MGAT4A: variants seen among roughly 807,000 people sequenced by gnomAD.
MGAT4A encodes alpha-1,3-mannosyl-glycoprotein 4-beta-N-acetylglucosaminyltransferase A.
MGAT4A carries 33 observed loss-of-function variants against 74.1 expected under a neutral mutation model. The ratio of observed to expected loss-of-function variants is 0.45; its 90% CI spans 0.34 to 0.60. The LOEUF is 0.60. Ranked by LOEUF, MGAT4A falls within the 20% of genes least tolerant of loss-of-function variation. The probability of loss-of-function intolerance (pLI) is 0.02; values close to 1 mark genes in which losing one functional copy is unlikely to be tolerated. For missense variants in MGAT4A, 479 were observed against 628.3 expected, an observed-to-expected ratio of 0.76 and a Z score of 2.54; for synonymous variants, 198 against 210.4, an observed-to-expected ratio of 0.94 and a Z score of 0.51.
chr2:98,682,290 C>T (rs979432669), intron 2 of MGAT4A, among the ~76,000 whole-genome samples: 13 of 151,872 alleles, frequency 8.6e-5, no homozygotes, highest in Admixed American at 2.6e-4. Flanking sequence ...GACATAGTGG[C>T]GCATGCCTGT....
At chr2:98,721,043 A>G (rs1345602445) in intron 2 of MGAT4A, among the ~76,000 whole-genome samples, 1 of 152,248 alleles carries the variant, frequency 6.6e-6, no homozygotes, top group Non-Finnish European at 1.5e-5. Context: ...AAGCTGCAAG[A>G]GAAAAATGAC....
intron 4 of MGAT4A, among the ~76,000 whole-genome samples, chr2:98,667,625 T>C (rs536547314): frequency 2.6e-5 from 4 of 152,302 alleles, no homozygotes; most frequent in African/African-American, 7.2e-5. Flanking sequence ...ATTTATGGTA[T>C]CTGGCAGAAG....
At position 98,671,943 on chromosome 2, in the gene MGAT4A, CAAA is replaced by C. The variant is rs59955000; in HGVS notation, c.403+3089_403+3091del. Among the ~76,000 whole-genome samples, 139 of 28,636 alleles carry C rather than the reference CAAA, an allele frequency of 4.9e-3. 1 individual carries two copies. Among genetic ancestry groups the C allele is most frequent in the African/African-American group, 0.017 (135 of 7,876 alleles). 18.8% of individuals were successfully genotyped at this position (28,636 alleles called of 152,430 possible). Reference sequence around the variant, plus strand: ...AGGCCACAAAGTAATGTGGAAAAGGCAAAAAAAAAAAAAAAAAAAAAAAAAAAG... The same window carrying C: ...AGGCCACAAAGTAATGTGGAAAAGGCAAAAAAAAAAAAAAAAAAAAAAAAG... On this transcript the variant is annotated intron_variant, in intron 4 of 15. Coordinates refer to ENST00000393487, the MANE Select transcript of MGAT4A (RefSeq NM_012214.3).
intron 14 of MGAT4A, among the ~76,000 whole-genome samples, chr2:98,632,241 G>GT (rs552042682): frequency 3.9e-5 from 6 of 152,172 alleles, no homozygotes; most frequent in Non-Finnish European, 7.4e-5. Context: ...CTCAGGAGCT[G>GT]TAAACATTCA....
intron 6 of MGAT4A, 50 bp from the exon 7 acceptor site, chr2:98,656,515 T>C: frequency 7.9e-7 from 1 of 1,272,656 alleles, no homozygotes; most frequent in Non-Finnish European, 1.1e-6. Context: ...GGATTTTATT[T>C]ATCTTAAAGC....
At chr2:98,655,002 GA>G (rs957592837) in intron 8 of MGAT4A, among the ~76,000 whole-genome samples, 90 of 152,172 alleles carry the variant, frequency 5.9e-4, no homozygotes, top group African/African-American at 1.9e-3. Flanking sequence ...TGGACTGTTA[GA>G]ATTAAATGTC....
chr2:98,648,570 T>A (rs1701529771), intron 8 of MGAT4A, among the ~76,000 whole-genome samples: 1 of 148,282 alleles, frequency 6.7e-6, no homozygotes, highest in Non-Finnish European at 1.5e-5. Flanking sequence ...AAAAAAAAAA[T>A]TAGCCAGGCA....
intron 2 of MGAT4A, among the ~76,000 whole-genome samples, chr2:98,682,809 G>A (rs890883944): frequency 6.6e-6 from 1 of 152,030 alleles, no homozygotes; most frequent in Non-Finnish European, 1.5e-5. Flanking sequence ...AATGGCGGCC[G>A]GGCGTGATGG....
intron 2 of MGAT4A, among the ~76,000 whole-genome samples, chr2:98,685,845 T>C (rs1702121594): frequency 6.6e-6 from 1 of 152,162 alleles, no homozygotes; most frequent in Non-Finnish European, 1.5e-5. Context: ...TCCCAGGTGA[T>C]GCTGATGTGC....
chr2:98,681,807 T>C (rs76013449), intron 2 of MGAT4A, among the ~76,000 whole-genome samples: 1 of 152,012 alleles, frequency 6.6e-6, no homozygotes, highest in African/African-American at 2.4e-5. Flanking sequence ...AGAGTTTTTT[T>C]AAGAACTCTT....
intron 12 of MGAT4A, 28 bp from the exon 13 acceptor site, chr2:98,636,623 C>T: frequency 6.3e-7 from 1 of 1,581,322 alleles, no homozygotes; most frequent in Non-Finnish European, 8.7e-7. Context: ...AAAATAAAAA[C>T]ACAAGTCGGG....
chr2:98,672,527 G>GA (rs1701925159), intron 4 of MGAT4A, among the ~76,000 whole-genome samples: 1 of 152,162 alleles, frequency 6.6e-6, no homozygotes, highest in Non-Finnish European at 1.5e-5. Context: ...GCTCTACCCT[G>GA]AATGGGCCCT....
chr2:98,726,561 TC>T lies in MGAT4A; in HGVS notation c.-230del. 1 of 416,536 alleles carries T rather than the reference TC, an allele frequency of 2.4e-6. No homozygotes were observed. The highest frequency in any genetic ancestry group is 4.1e-5 in the Admixed American group (1 of 24,334). The allele number at this position is 416,536 out of a possible 1,614,324, so 25.8% of individuals were successfully genotyped here. A position where few individuals can be genotyped will look rare whatever the true frequency, so the allele number is the denominator to read the frequency against. On this transcript the variant is annotated 5_prime_UTR_variant, in exon 2 of 16. Transcript: ENST00000393487. ...TTCACACGCTGATGCCTCGGCCTTTTCCCTTCCTATTCAGGGGAAAAGAGAA... is the reference window on the plus strand; with the variant it reads ...TTCACACGCTGATGCCTCGGCCTTTTCCTTCCTATTCAGGGGAAAAGAGAA...
intron 1 of MGAT4A, 42 bp downstream of exon 1, chr2:98,730,996 CCGCGCCCCCT>C (rs1484625100): frequency 6.8e-6 from 1 of 146,240 alleles, no homozygotes; most frequent in Non-Finnish European, 1.5e-5. Flanking sequence ...CGCAGCCGCC[CCGCGCCCCCT>C]CCCGCCCCCG....
rs1701059799 is a variant in MGAT4A, at chr2:98,621,473, T to C, written c.*4093A>G. ...CCTGAGGTCCTTCTGCTTTGTCTCT[T>C]GACTTCTGCCACCAGCCCGAGAAAA... On this transcript the variant is annotated 3_prime_UTR_variant, in exon 16 of 16. Coordinates refer to ENST00000393487, the MANE Select transcript of MGAT4A (RefSeq NM_012214.3). 6.4e-7 allele frequency: 1 copy of C among 1,551,664 alleles called. No individual in the cohort carries two copies. The highest frequency in any genetic ancestry group is 8.7e-7 in the Non-Finnish European group (1 of 1,146,976).
At position 98,726,532 on chromosome 2, in the gene MGAT4A, G is replaced by T. The variant is rs1241299306; in HGVS notation, c.-200C>A. 2.2e-6 allele frequency: 1 copy of T among 455,068 alleles called. No homozygotes were observed. The highest frequency in any genetic ancestry group is 3.9e-6 in the Non-Finnish European group (1 of 256,320). 28.2% of individuals were successfully genotyped at this position (455,068 alleles called of 1,614,324 possible). On this transcript the variant is annotated 5_prime_UTR_variant, in exon 2 of 16. Coordinates refer to ENST00000393487, the MANE Select transcript of MGAT4A (RefSeq NM_012214.3). ...CAACTGTACTCGGGATCGTCTTTGC[G>T]GTCTTCACACGCTGATGCCTCGGCC...
chr2:98,650,716 C>T (rs1188313199), intron 8 of MGAT4A, among the ~76,000 whole-genome samples: 4 of 152,080 alleles, frequency 2.6e-5, no homozygotes, highest in Non-Finnish European at 2.9e-5. Flanking sequence ...TTTGGGAGAC[C>T]GAGGCAGGTG....
intron 2 of MGAT4A, chr2:98,695,011 C>T (rs1702248856): frequency 6.5e-6 from 1 of 153,742 alleles, no homozygotes; most frequent in Admixed American, 6.6e-5. Context: ...CCTGAGCTCA[C>T]CTGCCCACTG....
At chr2:98,696,506 A>G (rs1217588668) in intron 2 of MGAT4A, among the ~76,000 whole-genome samples, 3 of 152,246 alleles carry the variant, frequency 2.0e-5, no homozygotes, top group African/African-American at 7.2e-5. Flanking sequence ...TTACTATGTA[A>G]TAGAAGTAGC....
Sources: gnomAD v4.1 joint callset for allele counts (sites outside exome capture counted in the v4.1 genomes callset) on GRCh38, gnomAD v4.1.1 for gene constraint, MANE v1.5 for transcripts, NCBI Gene and HGNC (gene_info 2026-07-23, HGNC 2026-07-21) for gene names.